Variants in CDH12 observed in about 807,000 individuals in gnomAD.
CDH12 encodes the protein cadherin 12, also known as cadherin-12.
A neutral mutation model predicts 74.1 loss-of-function variants in CDH12; 41 were observed. The ratio of observed to expected loss-of-function variants is 0.55; its 90% CI spans 0.43 to 0.72. The LOEUF (loss-of-function observed/expected upper bound fraction) is 0.72. Ranked by LOEUF, CDH12 falls within the 30% of genes least tolerant of loss-of-function variation. The pLI is 0.00. For missense variants in CDH12, 945 were observed against 977.2 expected (o/e 0.97, Z 0.44); for synonymous variants, 399 against 355.0 (o/e 1.12, Z -1.39).
At chr5:22,180,616 C>T (rs551673212) in intron 4 of CDH12, among the ~76,000 whole-genome samples, 5 of 151,980 alleles carry the variant, frequency 3.3e-5, no homozygotes, top group South Asian at 2.1e-4. Flanking sequence ...GGGTTTCAAG[C>T]GATTTTCCTG....
chr5:22,241,236 C>CT (rs946318767), intron 3 of CDH12, among the ~76,000 whole-genome samples: 3 of 151,954 alleles, frequency 2.0e-5, no homozygotes, highest in East Asian at 1.9e-4. Flanking sequence ...TATAAATACA[C>CT]TTTTTTTCCC....
At chr5:22,735,519 A>G (rs1036726782) in intron 1 of CDH12, among the ~76,000 whole-genome samples, 2 of 151,932 alleles carry the variant, frequency 1.3e-5, no homozygotes, top group African/African-American at 4.8e-5. Context: ...GTATATTATA[A>G]TTAAAGTATA....
intron 9 of CDH12, among the ~76,000 whole-genome samples, chr5:21,802,626 C>G (rs1747195367): frequency 7.2e-6 from 1 of 139,268 alleles, no homozygotes; most frequent in Non-Finnish European, 1.5e-5. Flanking sequence ...GAGTCTCTCC[C>G]TCTCTCCCAG....
intron 3 of CDH12, among the ~76,000 whole-genome samples, chr5:22,352,429 C>A (rs1241714697): frequency 6.6e-6 from 1 of 151,906 alleles, no homozygotes; most frequent in African/African-American, 2.4e-5. Flanking sequence ...ACAAAAACCC[C>A]TACAATGTAG....
intron 1 of CDH12, among the ~76,000 whole-genome samples, chr5:22,645,108 G>A (rs933724281): frequency 4.6e-5 from 7 of 152,030 alleles, no homozygotes; most frequent in African/African-American, 7.2e-5. Flanking sequence ...TCACTTTCAA[G>A]TAGTATTATT....
chr5:22,090,920 C>A (rs1015870298), intron 4 of CDH12, among the ~76,000 whole-genome samples: 1 of 151,630 alleles, frequency 6.6e-6, no homozygotes, highest in Non-Finnish European at 1.5e-5. Flanking sequence ...AGGAAGAAAA[C>A]AAAACACCTG....
chr5:21,977,053 G>T (rs1390497491), intron 5 of CDH12, among the ~76,000 whole-genome samples: 1 of 151,882 alleles, frequency 6.6e-6, no homozygotes, highest in African/African-American at 2.4e-5. Flanking sequence ...TATTCATTTT[G>T]TGACCCTGCA....
chr5:22,356,097 GAAACATTCCTGCCATAAGACT>G (rs370535222), intron 3 of CDH12, among the ~76,000 whole-genome samples: 107 of 152,200 alleles, frequency 7.0e-4, no homozygotes, highest in African/African-American at 2.0e-3. Flanking sequence ...TCAAAATGCA[GAAACATTCCTGCCATAAGACT>G]AAACAAGAGC....
chr5:22,750,569 G>A (rs977244340), intron 1 of CDH12, among the ~76,000 whole-genome samples: 3 of 152,078 alleles, frequency 2.0e-5, no homozygotes, highest in African/African-American at 7.2e-5. Flanking sequence ...ATCAAGAAGA[G>A]CCAAAACCCA....
rs78856787 is a variant in CDH12 at position 21,893,896 on chromosome 5, G to C, written c.527-39106C>G. On this transcript the variant is annotated intron_variant, in intron 6 of 14. Transcript: ENST00000382254. ...TCATTAATTATAACCAAGGAATAAA[G>C]TTCTTTACAACCCTTTACATCACAG... Among the ~76,000 whole-genome samples, 1,308 of 152,214 alleles carry C rather than the reference G, an allele frequency of 8.6e-3. 19 individuals are homozygous for C. Among genetic ancestry groups the C allele is most frequent in the African/African-American group, 0.03 (1,241 of 41,548 alleles).
At chr5:22,623,246 T>C (rs1738076130) in intron 1 of CDH12, among the ~76,000 whole-genome samples, 1 of 152,208 alleles carries the variant, frequency 6.6e-6, no homozygotes, top group Admixed American at 6.5e-5. Flanking sequence ...AGCATTCCCT[T>C]TGAAAACTGG....
chr5:22,367,876 T>A (rs1426416931), intron 3 of CDH12, among the ~76,000 whole-genome samples: 1 of 152,160 alleles, frequency 6.6e-6, no homozygotes, highest in East Asian at 1.9e-4. Context: ...ACAAACCATA[T>A]CCATAAAAAT....
intron 1 of CDH12, among the ~76,000 whole-genome samples, chr5:22,767,349 G>A (rs1227349520): frequency 1.3e-5 from 2 of 151,898 alleles, no homozygotes; most frequent in Admixed American, 6.6e-5. Flanking sequence ...AGTCATTTCA[G>A]ATTGACTATT....
chr5:22,806,617 G>A (rs571137994), intron 1 of CDH12, among the ~76,000 whole-genome samples: 12 of 152,116 alleles, frequency 7.9e-5, no homozygotes, highest in Non-Finnish European at 1.5e-4. Context: ...GCCTCCCAAA[G>A]TGCTGGGATT....
intron 3 of CDH12, among the ~76,000 whole-genome samples, chr5:22,358,464 A>G (rs531156756): frequency 5.7e-4 from 87 of 152,148 alleles, no homozygotes; most frequent in Non-Finnish European, 8.8e-4. Context: ...CCCACTTTAA[A>G]TGAATTTGAC....
At chr5:21,753,691 T>C (rs1744224539) in intron 14 of CDH12, among the ~76,000 whole-genome samples, 1 of 152,090 alleles carries the variant, frequency 6.6e-6, no homozygotes, top group African/African-American at 2.4e-5. Context: ...AGAGTGTCAA[T>C]ATACACTGCT....
At chr5:21,799,087 T>C (rs1420728765) in intron 10 of CDH12, among the ~76,000 whole-genome samples, 2 of 152,126 alleles carry the variant, frequency 1.3e-5, no homozygotes, top group East Asian at 1.9e-4. Context: ...AAACAGAATG[T>C]TGGTAGATAT....
chr5:22,549,447 C>T (rs1204574570), intron 1 of CDH12, among the ~76,000 whole-genome samples: 2 of 151,816 alleles, frequency 1.3e-5, no homozygotes, highest in Non-Finnish European at 2.9e-5. Context: ...GTCTCAAATT[C>T]CAATTCATGT....
chr5:22,109,813 A>G (rs1744703887), intron 4 of CDH12, among the ~76,000 whole-genome samples: 1 of 152,192 alleles, frequency 6.6e-6, no homozygotes, highest in African/African-American at 2.4e-5. Context: ...TTAGTGAAAA[A>G]TTCAATTGAC....
Sources: gnomAD v4.1 joint callset for allele counts (sites outside exome capture counted in the v4.1 genomes callset) on GRCh38, gnomAD v4.1.1 for gene constraint, MANE v1.5 for transcripts, NCBI Gene and HGNC (gene_info 2026-07-23, HGNC 2026-07-21) for gene names.